Variants in MYH10 observed in about 807,000 individuals in gnomAD.
The protein encoded by MYH10 is myosin-10.
MYH10 carries 55 observed loss-of-function variants against 257.8 expected under a neutral mutation model. That is an observed-to-expected ratio of 0.21 (90% confidence interval 0.17 to 0.27). MYH10 has a LOEUF of 0.27. Ranked by LOEUF, MYH10 falls within the 10% of genes least tolerant of loss-of-function variation. MYH10 has a pLI of 1.00. For synonymous variants in MYH10, 854 were observed against 921.7 expected (o/e 0.93, Z 1.33); for missense variants, 1,631 against 2,500.6 (o/e 0.65, Z 7.42).
chr17:8,484,348 G>A, intron 36 of MYH10, 82 bp from the exon 37 acceptor site: 1 of 1,377,756 alleles, frequency 7.3e-7, no homozygotes, highest in Non-Finnish European at 9.9e-7. Flanking sequence ...ATGAGCCCTG[G>A]CTGTGTTGCC....
intron 7 of MYH10, chr17:8,561,332 G>A (rs2082986415): frequency 8.6e-7 from 1 of 1,163,928 alleles, no homozygotes; most frequent in Admixed American, 1.7e-5. Context: ...CAAGGACAAG[G>A]CCATTAAGAA....
intron 2 of MYH10, among the ~76,000 whole-genome samples, chr17:8,622,367 CTAA>C: frequency 6.6e-6 from 1 of 152,308 alleles, no homozygotes; most frequent in South Asian, 2.1e-4. Flanking sequence ...ATGTCAGCTG[CTAA>C]CCACAGGACG....
At chr17:8,485,779 A>C (rs926073320) in intron 36 of MYH10, among the ~76,000 whole-genome samples, 4 of 152,236 alleles carry the variant, frequency 2.6e-5, no homozygotes, top group Non-Finnish European at 5.9e-5. Flanking sequence ...CAGTTCCTCA[A>C]AGTTAAACAC....
At chr17:8,626,770 A>C (rs1271894292) in intron 1 of MYH10, among the ~76,000 whole-genome samples, 1 of 152,094 alleles carries the variant, frequency 6.6e-6, no homozygotes, top group Non-Finnish European at 1.5e-5. Context: ...AAATATGACA[A>C]GTTTCTCTTA....
At chr17:8,543,286 T>C (rs752331999) in intron 13 of MYH10, among the ~76,000 whole-genome samples, 1 of 152,172 alleles carries the variant, frequency 6.6e-6, no homozygotes, top group Non-Finnish European at 1.5e-5. Context: ...AATTCACTAT[T>C]TCAGAATGAG....
intron 24 of MYH10, among the ~76,000 whole-genome samples, chr17:8,510,865 T>C (rs926564658): frequency 2.6e-5 from 4 of 152,034 alleles, no homozygotes; most frequent in Non-Finnish European, 5.9e-5. Flanking sequence ...AGAGTTTACA[T>C]GTATTTTTAT....
chr17:8,624,125 T>C (rs982429340), intron 1 of MYH10, among the ~76,000 whole-genome samples: 11 of 152,176 alleles, frequency 7.2e-5, no homozygotes, highest in African/African-American at 1.4e-4. Context: ...CTTAGCCACA[T>C]TGAGGAAAGT....
intron 7 of MYH10, among the ~76,000 whole-genome samples, chr17:8,562,695 T>A (rs1415850096): frequency 6.6e-6 from 1 of 152,198 alleles, no homozygotes; most frequent in East Asian, 1.9e-4. Context: ...ATAACGCTTA[T>A]TGTATACCAA....
At chr17:8,499,628 CTGAG>C (rs1917206917) in intron 29 of MYH10, 152 bp from the exon 30 acceptor site, 1 of 733,530 alleles carries the variant, frequency 1.4e-6, no homozygotes, top group Non-Finnish European at 2.3e-6. Flanking sequence ...TTGCTGTTCT[CTGAG>C]TGTGAGGATT....
intron 7 of MYH10, among the ~76,000 whole-genome samples, chr17:8,557,488 T>C (rs1298180389): frequency 6.6e-6 from 1 of 152,230 alleles, no homozygotes; most frequent in Non-Finnish European, 1.5e-5. Context: ...CCTGGTTCTC[T>C]TTCCAAGTGT....
chr17:8,534,309 T>C (rs2151930887), intron 16 of MYH10, among the ~76,000 whole-genome samples: 1 of 152,226 alleles, frequency 6.6e-6, no homozygotes, highest in South Asian at 2.1e-4. Flanking sequence ...TTCCCCCAGG[T>C]CCCTCCCCTC....
At chr17:8,528,789 G>A (rs1465133885) in intron 17 of MYH10, among the ~76,000 whole-genome samples, 1 of 152,178 alleles carries the variant, frequency 6.6e-6, no homozygotes, top group Non-Finnish European at 1.5e-5. Flanking sequence ...CCTCTCTGGG[G>A]TGGTGGTCTT....
chr17:8,608,658 T>C (rs1387432944), intron 2 of MYH10, among the ~76,000 whole-genome samples: 2 of 152,180 alleles, frequency 1.3e-5, no homozygotes, highest in Non-Finnish European at 2.9e-5. Context: ...AACACTACTG[T>C]ATACTTTACC....
At chr17:8,628,526 G>A (rs1209987636) in intron 1 of MYH10, among the ~76,000 whole-genome samples, 2 of 152,170 alleles carry the variant, frequency 1.3e-5, no homozygotes, top group Non-Finnish European at 2.9e-5. Context: ...ATCTATAACA[G>A]ATGAGCTAAA....
At chr17:8,617,544 G>C (rs1249364343) in intron 2 of MYH10, among the ~76,000 whole-genome samples, 3 of 152,070 alleles carry the variant, frequency 2.0e-5, no homozygotes, top group Non-Finnish European at 2.9e-5. Context: ...AACTAAATCA[G>C]ACATTATCTA....
At chr17:8,522,794 C>T (rs2081698922) in intron 17 of MYH10, among the ~76,000 whole-genome samples, 2 of 152,178 alleles carry the variant, frequency 1.3e-5, no homozygotes, top group Non-Finnish European at 2.9e-5. Flanking sequence ...TCCTGCCCAA[C>T]ACTACTCAGG....
intron 1 of MYH10, among the ~76,000 whole-genome samples, chr17:8,627,327 T>C (rs1230936269): frequency 1.3e-5 from 2 of 152,198 alleles, no homozygotes; most frequent in East Asian, 3.8e-4. Flanking sequence ...TGATCAATAT[T>C]TACGTGAATG....
chr17:8,610,471 G>A (rs1196835399), intron 2 of MYH10, among the ~76,000 whole-genome samples: 3 of 151,322 alleles, frequency 2.0e-5, no homozygotes, highest in Non-Finnish European at 2.9e-5. Flanking sequence ...TAAAAAGAGG[G>A]GAGAGAAAGA....
Position 8,480,424 on chromosome 17 carries a change from C to T in MYH10, c.5366G>A (p.Arg1789His), listed in dbSNP as rs768900605. Residue 1789 changes from arginine (R) to histidine (H), a missense_variant, in exon 39 of 43, where the codon CGC becomes CAC. Transcript: ENST00000360416. ...CACCTGTAGAGTGGTCTTGCGGAAG[C>T]GGTCGTTGAGCAGCTCCATGTTGCT... ...EQSNMELLND[R>H]FRKTTLQVDT... is the part of the protein sequence containing the mutation. 1.5e-5 allele frequency: 25 copies of T among 1,613,142 alleles called. No homozygotes were observed. In the African/African-American group the frequency reaches 1.6e-4, roughly 10 times the overall value.
Sources: allele counts gnomAD v4.1 joint callset (sites outside exome capture counted in the v4.1 genomes callset), GRCh38; gene constraint gnomAD v4.1.1; transcripts MANE v1.5; gene names NCBI Gene and HGNC (gene_info 2026-07-23, HGNC 2026-07-21).